PSKH2: variants seen among roughly 807,000 people sequenced by gnomAD.
The protein encoded by PSKH2 is protein serine kinase H2, also known as serine/threonine-protein kinase H2.
PSKH2 carries 16 observed loss-of-function variants against 22.5 expected under a neutral mutation model. That is an observed-to-expected ratio of 0.71 (90% CI 0.48 to 1.08). The LOEUF (loss-of-function observed/expected upper bound fraction) is 1.08. Among genes scored for constraint, PSKH2 ranks in the 50% least tolerant of loss-of-function variants. The pLI is 0.00. For synonymous variants in PSKH2, 188 were observed against 184.8 expected (o/e 1.02, Z -0.14); for missense variants, 516 against 492.8 (o/e 1.05, Z -0.44).
At chr8:86,056,428 A>C (rs1010646414) in intron 2 of PSKH2, among the ~76,000 whole-genome samples, 4 of 152,264 alleles carry the variant, frequency 2.6e-5, no homozygotes, top group Non-Finnish European at 5.9e-5. Flanking sequence ...GTGGAATATA[A>C]TTAGACAAGA....
In PSKH2 at chr8:86,064,719, T is replaced by C; in HGVS notation, c.186-88A>G. The C allele has an allele frequency of 3.0e-6, 3 of 991,476 alleles. No individual in the cohort carries two copies. In the South Asian group the frequency reaches 4.9e-5, roughly 16 times the overall value. 61.4% of individuals were successfully genotyped at this position (991,476 alleles called of 1,614,324 possible). ...TCCATGCTTTATATCATCTTTTCTATCCTTCTATTCCTCCCATCAGATTTA... is the reference window on the plus strand; with the variant it reads ...TCCATGCTTTATATCATCTTTTCTACCCTTCTATTCCTCCCATCAGATTTA... On this transcript the variant is annotated intron_variant, in intron 1 of 2. Coordinates refer to ENST00000276616, the MANE Select transcript of PSKH2 (RefSeq NM_033126.3).
rs1817557520 is a variant in PSKH2, at chr8:86,048,266, G to A, written c.*196C>T. On this transcript the variant is annotated 3_prime_UTR_variant, in exon 3 of 3. Transcript: ENST00000276616. ...AAACATAGCTAGTATTTACTAAACTGTTAATCATTTGCAGCAGTATATTTT... is the reference window on the plus strand; with the variant it reads ...AAACATAGCTAGTATTTACTAAACTATTAATCATTTGCAGCAGTATATTTT... 5.9e-6 allele frequency: 3 copies of A among 505,040 alleles called. No individual in the cohort carries two copies. Among genetic ancestry groups the A allele is most frequent in the South Asian group, 6.5e-5 (2 of 30,718 alleles). 31.3% of individuals were successfully genotyped at this position (505,040 alleles called of 1,614,324 possible).
intron 1 of PSKH2, among the ~76,000 whole-genome samples, chr8:86,068,770 G>T (rs1817901122): frequency 6.6e-6 from 1 of 152,110 alleles, no homozygotes; most frequent in Non-Finnish European, 1.5e-5. Flanking sequence ...CCAGCCCCAG[G>T]ATATTAGAGG....
intron 2 of PSKH2, among the ~76,000 whole-genome samples, chr8:86,056,738 T>C (rs1416115184): frequency 6.6e-6 from 1 of 152,156 alleles, no homozygotes; most frequent in African/African-American, 2.4e-5. Context: ...TCTATTAGCT[T>C]ATTTGATCTT....
At chr8:86,063,374 C>G (rs984747314) in intron 2 of PSKH2, among the ~76,000 whole-genome samples, 1 of 152,222 alleles carries the variant, frequency 6.6e-6, no homozygotes, top group Non-Finnish European at 1.5e-5. Flanking sequence ...CTTTCCTTCC[C>G]TACCCAAAAC....
rs1817541057 is a variant in PSKH2, at chr8:86,047,262, T to C, written c.*1200A>G. Among the ~76,000 whole-genome samples the C allele has an allele frequency of 6.6e-6, 1 of 152,198 alleles. No homozygotes were observed. Among genetic ancestry groups the C allele is most frequent in the African/African-American group, 2.4e-5 (1 of 41,460 alleles). On this transcript the variant is annotated 3_prime_UTR_variant, in exon 3 of 3. Transcript: ENST00000276616. ...ATTATTTATCTAATGAATTTGTAAG[T>C]GTCTTTCTATATTAAAGGAATTAAT...
intron 2 of PSKH2, among the ~76,000 whole-genome samples, chr8:86,062,863 G>T (rs1410274179): frequency 6.6e-6 from 1 of 152,118 alleles, no homozygotes; most frequent in Non-Finnish European, 1.5e-5. Context: ...TTAGTGAGAG[G>T]GCTAATCTCT....
intron 2 of PSKH2, among the ~76,000 whole-genome samples, chr8:86,058,656 T>C (rs148534421): frequency 9.9e-5 from 15 of 152,210 alleles, no homozygotes; most frequent in African/African-American, 3.4e-4. Flanking sequence ...TTAGAACAAA[T>C]GAAATTAATC....
chr8:86,049,706 GAAAGAAAGAAAGA>G (rs1817588719), intron 2 of PSKH2, among the ~76,000 whole-genome samples: 1 of 45,548 alleles, frequency 2.2e-5, no homozygotes, highest in Admixed American at 2.7e-4. Context: ...AAGAAAGAAA[GAAAGAAAGAAAGA>G]AAGAAAGAAA....
In PSKH2 at chr8:86,048,430, A is replaced by C. The variant is rs1197383085; in HGVS notation, c.*32T>G. On this transcript the variant is annotated 3_prime_UTR_variant, in exon 3 of 3. Transcript: ENST00000276616. ...CCTAATCATGATGAAATGGTCCTAA[A>C]ATAGGCAAAAATAGTTTTAGAGGTC... The C allele has an allele frequency of 1.3e-6, 2 of 1,576,068 alleles. No homozygotes were observed. Among genetic ancestry groups the C allele is most frequent in the African/African-American group, 1.3e-5 (1 of 74,186 alleles).
chr8:86,063,630 G>A (rs1817808584), intron 2 of PSKH2, among the ~76,000 whole-genome samples: 1 of 152,216 alleles, frequency 6.6e-6, no homozygotes, highest in Non-Finnish European at 1.5e-5. Context: ...GAAAAAAACT[G>A]CAGAGGAACT....
intron 2 of PSKH2, among the ~76,000 whole-genome samples, chr8:86,058,890 G>A (rs556015204): frequency 2.6e-4 from 39 of 151,986 alleles, no homozygotes; most frequent in Admixed American, 9.8e-4. Flanking sequence ...TTCACCATAA[G>A]AGGTATACCA....
chr8:86,048,955 A>G (rs893944311), intron 2 of PSKH2, among the ~76,000 whole-genome samples, 188 bp from the exon 3 acceptor site: 7 of 152,196 alleles, frequency 4.6e-5, no homozygotes, highest in Non-Finnish European at 1.0e-4. Flanking sequence ...GGAGGAAAAG[A>G]AAAAACTTTC....
chr8:86,059,226 C>T (rs1817745115), intron 2 of PSKH2, among the ~76,000 whole-genome samples: 1 of 152,156 alleles, frequency 6.6e-6, no homozygotes, highest in South Asian at 2.1e-4. Context: ...CAGGTGTGCA[C>T]CACAATGCCC....
chr8:86,048,581 G>T lies in PSKH2; in HGVS notation c.1039C>A (p.His347Asn), dbSNP rs778160358. ...TGTGCAGATCCAGGACTCTGAGAGT[G>T]GGGAGAGGCCCTCTGCATGAGGTTT... ...SRNLMQRASP[H>N]SQSPGSAQSS... Residue 347 changes from histidine to asparagine, a missense_variant, in exon 3 of 3, where the codon CAC (histidine) becomes AAC (asparagine). Physicochemically the swap from His to Asn is moderately conservative, Grantham distance 68. Transcript: ENST00000276616. The T allele has an allele frequency of 3.1e-6, 5 of 1,614,076 alleles. No homozygotes were observed. The South Asian group carries it at 5.5e-5, about 18-fold the overall frequency.
rs762054535 is a variant in PSKH2 at position 86,064,350 on chromosome 8, G to A, written c.467C>T (p.Thr156Ile). The change falls in exon 2 of 3, where the codon ACA becomes ATA. Residue 156 changes from threonine to isoleucine, a missense_variant. By Grantham distance (89) the Thr-to-Ile change is moderately conservative. Transcript: ENST00000276616. ...FDRLIAQGSFTERDAVRILQM... is the reference protein window; with the variant it reads ...FDRLIAQGSFIERDAVRILQM... ...GAGGATCCTGACGGCATCCCGCTCT[G>A]TAAAGGATCCCTGAGCAATGAGTCG... 22 of 1,614,148 alleles carry A rather than the reference G, an allele frequency of 1.4e-5. No individual in the cohort carries two copies. In the South Asian group the frequency reaches 2.3e-4, roughly 17 times the overall value.
intron 2 of PSKH2, among the ~76,000 whole-genome samples, chr8:86,050,691 G>A (rs1817617820): frequency 6.6e-6 from 1 of 152,176 alleles, no homozygotes; most frequent in Non-Finnish European, 1.5e-5. Context: ...CTCTGCAAAA[G>A]AGAAACATTG....
Position 86,056,051 on chromosome 8 carries a change from G to C in PSKH2, c.853-7284C>G, listed in dbSNP as rs540458486. Among the ~76,000 whole-genome samples, 1,059 of 152,108 alleles carry C rather than the reference G, an allele frequency of 7.0e-3. 7 individuals carry two copies. Among genetic ancestry groups the C allele is most frequent in the South Asian group, 0.012 (58 of 4,810 alleles). On this transcript the variant is annotated intron_variant, in intron 2 of 2. Transcript: ENST00000276616. ...CATCTGTAATCCCTGCAACTCAGGA[G>C]GCCAAGGTAGAAGGATCACTTGAGA...
At chr8:86,060,131 C>A (rs1238946739) in intron 2 of PSKH2, among the ~76,000 whole-genome samples, 1 of 152,192 alleles carries the variant, frequency 6.6e-6, no homozygotes, top group Non-Finnish European at 1.5e-5. Context: ...ATCTGCATAA[C>A]AAGACAGCCT....
Sources: gnomAD v4.1 joint callset for allele counts (sites outside exome capture counted in the v4.1 genomes callset) on GRCh38, gnomAD v4.1.1 for gene constraint, MANE v1.5 for transcripts, NCBI Gene and HGNC (gene_info 2026-07-23, HGNC 2026-07-21) for gene names.